CACNB4: variants seen among roughly 807,000 people sequenced by gnomAD.
CACNB4 encodes the protein voltage-dependent L-type calcium channel subunit beta-4.
In CACNB4, 32 loss-of-function variants were observed where a neutral mutation model predicts 71.2. That is an observed-to-expected ratio of 0.45 (90% confidence interval 0.34 to 0.60). The LOEUF (loss-of-function observed/expected upper bound fraction) is 0.60, where lower values mean the gene tolerates loss of function less well. CACNB4 is among the 20% of genes least tolerant of loss of function. CACNB4 has a pLI of 0.01. For missense variants in CACNB4, 464 were observed against 647.9 expected, an observed-to-expected ratio of 0.72 and a Z score of 3.08; for synonymous variants, 231 against 236.9, an observed-to-expected ratio of 0.97 and a Z score of 0.23.
intron 2 of CACNB4, among the ~76,000 whole-genome samples, chr2:152,013,203 AC>A (rs1456244022): frequency 6.6e-6 from 1 of 152,148 alleles, no homozygotes; most frequent in Non-Finnish European, 1.5e-5. Flanking sequence ...TGACCAAATC[AC>A]CTATAATGAT....
chr2:151,947,957 C>T (rs1384923647), intron 2 of CACNB4, among the ~76,000 whole-genome samples: 1 of 152,166 alleles, frequency 6.6e-6, no homozygotes, highest in East Asian at 1.9e-4. Flanking sequence ...TAGGCGAGGG[C>T]ATTCTGGTGC....
At chr2:151,904,162 T>C (rs1276696234) in intron 2 of CACNB4, among the ~76,000 whole-genome samples, 4 of 152,246 alleles carry the variant, frequency 2.6e-5, no homozygotes, top group Admixed American at 2.6e-4. Context: ...TTTCACTGAA[T>C]CCATCCATTC....
intron 3 of CACNB4, among the ~76,000 whole-genome samples, chr2:151,881,235 T>C (rs1028340155): frequency 2.2e-4 from 33 of 152,162 alleles, no homozygotes; most frequent in African/African-American, 7.0e-4. Flanking sequence ...AAAATCTGTG[T>C]TTATTTTAAA....
rs990168029 is a variant in CACNB4 at position 151,993,376 on chromosome 2, A to G, written c.147+104954T>C. Among the ~76,000 whole-genome samples, 5 of 152,150 alleles carry G rather than the reference A, an allele frequency of 3.3e-5. 1 individual carries two copies. Among genetic ancestry groups the G allele is most frequent in the Admixed American group, 6.5e-5 (1 of 15,280 alleles). Reference sequence around the variant, plus strand: ...GGAGAAATGATATTCATGGTAGCCAATGAAAGTGGAACTGGACGAGAAGGT... The same window carrying G: ...GGAGAAATGATATTCATGGTAGCCAGTGAAAGTGGAACTGGACGAGAAGGT... On this transcript the variant is annotated intron_variant, in intron 2 of 13. Transcript: ENST00000539935.
Position 151,839,263 on chromosome 2 carries a change from G to A in CACNB4, c.1419C>T (p.Arg473=), listed in dbSNP as rs766586063. 2.1e-5 allele frequency: 34 copies of A among 1,613,732 alleles called. No individual in the cohort carries two copies. Among genetic ancestry groups the A allele is most frequent in the Non-Finnish European group, 2.5e-5 (29 of 1,179,804 alleles). Residue 473 remains arginine (R), a synonymous_variant, in exon 14 of 14, where the codon CGC becomes CGT. Coordinates refer to ENST00000539935, the MANE Select transcript of CACNB4 (RefSeq NM_000726.5). ...HNERARKSRN[R]LSSSSQHSRD... ...GGCTATGCTGAGAACTGGAAGACAA[G>A]CGGTTCCTACTCTTCCGAGCCCTTT...
At chr2:151,875,684 C>A (rs1196848139) in intron 5 of CACNB4, among the ~76,000 whole-genome samples, 4 of 30,392 alleles carry the variant, frequency 1.3e-4, no homozygotes, top group Admixed American at 3.1e-4. Flanking sequence ...GACCCCCCCA[C>A]CTCCCTCCCG....
intron 2 of CACNB4, among the ~76,000 whole-genome samples, chr2:152,050,614 G>A (rs771857651): frequency 2.0e-5 from 3 of 152,194 alleles, no homozygotes; most frequent in Admixed American, 1.3e-4. Context: ...TCTTTGGGAA[G>A]CTGAGGTAGG....
At chr2:152,005,486 T>C (rs1022726243) in intron 2 of CACNB4, among the ~76,000 whole-genome samples, 2 of 152,096 alleles carry the variant, frequency 1.3e-5, no homozygotes, top group Middle Eastern at 3.4e-3. Context: ...CACACAGACA[T>C]AAAGATGGGA....
At chr2:151,943,448 G>A (rs188687038) in intron 2 of CACNB4, among the ~76,000 whole-genome samples, 1 of 152,240 alleles carries the variant, frequency 6.6e-6, no homozygotes, top group Admixed American at 6.5e-5. Flanking sequence ...TCTATAAAGA[G>A]GTCTTCTGGC....
At chr2:152,075,036 C>T (rs1164428568) in intron 2 of CACNB4, among the ~76,000 whole-genome samples, 4 of 152,126 alleles carry the variant, frequency 2.6e-5, no homozygotes, top group Admixed American at 1.3e-4. Context: ...AGGCAAATAC[C>T]GATACATATT....
Position 151,876,477 on chromosome 2 carries a change from A to G in CACNB4, c.470T>C (p.Leu157Ser). The stretch of plus-strand genomic sequence containing the variant: ...TTCTTGCTGGATCCGTATGTTCTCC[A>G]ATCTGAGTGGACTTGGAATGAAGCC... ...EIGFIPSPLRLENIRIQQEQK... is the reference protein window; with the variant it reads ...EIGFIPSPLRSENIRIQQEQK... Residue 157 changes from leucine to serine, a missense_variant, in exon 5 of 14, where the codon TTG (leucine) becomes TCG (serine). Coordinates refer to ENST00000539935, the MANE Select transcript of CACNB4 (RefSeq NM_000726.5). The G allele has an allele frequency of 6.2e-7, 1 of 1,606,714 alleles. No homozygotes were observed. The highest frequency in any genetic ancestry group is 8.5e-7 in the Non-Finnish European group (1 of 1,175,018).
In CACNB4 at chr2:151,928,341, T is replaced by G. The variant is rs760075939; in HGVS notation, c.148-44971A>C. Reference sequence around the variant, plus strand: ...TGTTAAATTGTAGATACCTGAATACTAAATAGAAGTGTCTGAATAACTCTA... The same window carrying G: ...TGTTAAATTGTAGATACCTGAATACGAAATAGAAGTGTCTGAATAACTCTA... On this transcript the variant is annotated intron_variant, in intron 2 of 13. Transcript: ENST00000539935. 2.6e-5 allele frequency among the ~76,000 whole-genome samples: 4 copies of G among 152,196 alleles called. No individual in the cohort carries two copies. The East Asian group carries it at 7.7e-4, about 29-fold the overall frequency.
intron 2 of CACNB4, among the ~76,000 whole-genome samples, chr2:152,075,670 C>G (rs549906411): frequency 5.9e-5 from 9 of 152,314 alleles, no homozygotes; most frequent in African/African-American, 2.2e-4. Context: ...CTCAGCCACA[C>G]ACACAGACTC....
chr2:151,841,552 C>T (rs2099836237), intron 13 of CACNB4: 1 of 231,934 alleles, frequency 4.3e-6, no homozygotes, highest in Admixed American at 5.6e-5. Context: ...CATATCACTG[C>T]ATTCCAGCCT....
At chr2:151,878,584 T>TCACACACACACACACACACAC (rs1381700918) in intron 4 of CACNB4, among the ~76,000 whole-genome samples, 10 of 28,724 alleles carry the variant, frequency 3.5e-4, no homozygotes, top group Admixed American at 8.6e-4. Flanking sequence ...CACACACAGT[T>TCACACACACACACACACACAC]AGCTGGGTAT....
intron 2 of CACNB4, among the ~76,000 whole-genome samples, chr2:152,077,716 G>C (rs1220799311): frequency 1.3e-5 from 2 of 152,116 alleles, no homozygotes; most frequent in African/African-American, 4.8e-5. Flanking sequence ...GGGCGACAGA[G>C]GGACACTCCC....
intron 2 of CACNB4, among the ~76,000 whole-genome samples, chr2:151,939,847 T>C (rs952340): frequency 0.46 from 69,565 of 151,908 alleles, 19,776 homozygotes; most frequent in Non-Finnish European, 0.64. Flanking sequence ...ACAAAAGCTA[T>C]ACAAATGGAA....
chr2:151,845,287 C>CT (rs1218062879), intron 12 of CACNB4, among the ~76,000 whole-genome samples: 2 of 152,162 alleles, frequency 1.3e-5, no homozygotes, highest in Admixed American at 6.5e-5. Context: ...TGGAAGATGA[C>CT]TTGAAACTGC....
chr2:152,067,209 G>A (rs1479523771), intron 2 of CACNB4, among the ~76,000 whole-genome samples: 1 of 152,044 alleles, frequency 6.6e-6, no homozygotes, highest in Non-Finnish European at 1.5e-5. Context: ...GGCCACTCTT[G>A]GCCAATGGGG....
Sources: allele counts gnomAD v4.1 joint callset (sites outside exome capture counted in the v4.1 genomes callset), GRCh38; gene constraint gnomAD v4.1.1; transcripts MANE v1.5; gene names NCBI Gene and HGNC (gene_info 2026-07-23, HGNC 2026-07-21).